The following MAP7 variants were observed in gnomAD, a reference collection of about 807,000 sequenced individuals.
MAP7 encodes ensconsin.
Under a neutral mutation model 94.8 loss-of-function variants are expected in MAP7, and 52 were observed. The ratio of observed to expected loss-of-function variants is 0.55; its 90% CI spans 0.44 to 0.69. The LOEUF is 0.69. Among genes scored for constraint, MAP7 ranks in the 30% least tolerant of loss-of-function variants. The probability of loss-of-function intolerance (pLI) is 0.00; values close to 1 mark genes in which losing one functional copy is unlikely to be tolerated. For missense variants in MAP7, 940 were observed against 964.6 expected, an observed-to-expected ratio of 0.97 and a Z score of 0.34; for synonymous variants, 350 against 357.0, an observed-to-expected ratio of 0.98 and a Z score of 0.22.
intron 1 of MAP7, among the ~76,000 whole-genome samples, chr6:136,476,754 T>C (rs551385748): frequency 6.6e-6 from 1 of 152,180 alleles, no homozygotes; most frequent in African/African-American, 2.4e-5. Flanking sequence ...ATTTTAGGTG[T>C]GTATGTGTAT....
At chr6:136,443,496 G>A (rs1317486395) in intron 1 of MAP7, among the ~76,000 whole-genome samples, 1 of 140,576 alleles carries the variant, frequency 7.1e-6, no homozygotes, top group African/African-American at 2.8e-5. Flanking sequence ...CTGTCACCCA[G>A]GCTGGAGTGC....
intron 8 of MAP7, among the ~76,000 whole-genome samples, chr6:136,367,283 A>G (rs1794578632): frequency 6.6e-6 from 1 of 152,046 alleles, no homozygotes; most frequent in Non-Finnish European, 1.5e-5. Flanking sequence ...CATTCCAAGT[A>G]TCTGAAACCT....
chr6:136,488,080 G>A (rs1372757867), intron 1 of MAP7, among the ~76,000 whole-genome samples: 1 of 152,098 alleles, frequency 6.6e-6, no homozygotes, highest in African/African-American at 2.4e-5. Flanking sequence ...TTTCTATGAC[G>A]ATTTTCTTTT....
intron 1 of MAP7, among the ~76,000 whole-genome samples, chr6:136,466,602 C>T (rs972589016): frequency 6.6e-6 from 1 of 151,190 alleles, no homozygotes; most frequent in South Asian, 2.1e-4. Context: ...TTTCTAAGGA[C>T]ATTAAAACAA....
intron 1 of MAP7, among the ~76,000 whole-genome samples, chr6:136,513,305 A>G (rs1044210632): frequency 6.6e-6 from 1 of 152,354 alleles, no homozygotes; most frequent in Non-Finnish European, 1.5e-5. Context: ...CTGCTGCTTT[A>G]TCAACTAAGC....
chr6:136,365,632 C>T, intron 10 of MAP7, 103 bp downstream of exon 10: 2 of 1,287,470 alleles, frequency 1.6e-6, no homozygotes, highest in South Asian at 1.5e-5. Flanking sequence ...GTAAAATTTC[C>T]AAGTCTCCAA....
intron 3 of MAP7, among the ~76,000 whole-genome samples, chr6:136,410,377 C>T (rs141048264): frequency 1.3e-5 from 2 of 152,214 alleles, no homozygotes; most frequent in African/African-American, 2.4e-5. Flanking sequence ...AGCAGCTCTG[C>T]CTTCATCCTC....
intron 1 of MAP7, among the ~76,000 whole-genome samples, chr6:136,468,502 A>G (rs935932261): frequency 3.7e-4 from 57 of 152,196 alleles, no homozygotes; most frequent in African/African-American, 1.3e-3. Context: ...TAAGTTAAAA[A>G]TATCATAAGT....
chr6:136,351,804 G>C (rs983802640), intron 16 of MAP7, among the ~76,000 whole-genome samples: 1 of 152,068 alleles, frequency 6.6e-6, no homozygotes, highest in Non-Finnish European at 1.5e-5. Context: ...ATTATCCTTT[G>C]CCACTGCTGG....
At chr6:136,491,482 G>C (rs543556065) in intron 1 of MAP7, among the ~76,000 whole-genome samples, 1 of 152,066 alleles carries the variant, frequency 6.6e-6, no homozygotes, top group Admixed American at 6.5e-5. Flanking sequence ...GGCATCACCC[G>C]GTTTATCATG....
intron 7 of MAP7, among the ~76,000 whole-genome samples, chr6:136,376,102 C>T (rs1318121297): frequency 1.3e-5 from 2 of 151,586 alleles, no homozygotes; most frequent in East Asian, 1.9e-4. Context: ...GACTGAAAAG[C>T]GGTTTTTTTT....
intron 3 of MAP7, among the ~76,000 whole-genome samples, chr6:136,403,497 G>T (rs775454878): frequency 3.3e-5 from 5 of 152,170 alleles, no homozygotes; most frequent in African/African-American, 4.8e-5. Context: ...AGCAAACAAT[G>T]AGCCATTATG....
chr6:136,464,008 G>C (rs1210775741), intron 1 of MAP7, among the ~76,000 whole-genome samples: 1 of 152,176 alleles, frequency 6.6e-6, no homozygotes, highest in African/African-American at 2.4e-5. Context: ...TATGTGGAAG[G>C]GGCTGCCCTC....
chr6:136,356,700 T>G lies in MAP7; in HGVS notation c.2007A>C (p.Thr669=). 1.2e-6 allele frequency: 2 copies of G among 1,613,808 alleles called. No homozygotes were observed. Among genetic ancestry groups the G allele is most frequent in the Non-Finnish European group, 1.7e-6 (2 of 1,179,726 alleles). The change falls in exon 16 of 18, where the codon ACA becomes ACC. Residue 669 remains threonine, a synonymous_variant. Coordinates refer to ENST00000354570, the MANE Select transcript of MAP7 (RefSeq NM_003980.6). ...TGTCAGTGAAAACTCACCTCTCCAC[T>G]GTCACTTTTGACTGGTGTGAGGTAA... ...HVVTSHQSKV[T]VESTPDLEKQ...
chr6:136,345,745 C>T, intron 17 of MAP7, 111 bp downstream of exon 17: 1 of 935,382 alleles, frequency 1.1e-6, no homozygotes, highest in East Asian at 2.4e-5. Context: ...TTACTTGGTC[C>T]TTTGAAGAAC....
intron 1 of MAP7, among the ~76,000 whole-genome samples, chr6:136,545,004 C>T (rs1006109526): frequency 3.9e-5 from 6 of 152,212 alleles, no homozygotes; most frequent in African/African-American, 1.4e-4. Context: ...CAAACTCAAA[C>T]TTGGAAAAGT....
At chr6:136,499,596 A>C (rs1819272408) in intron 1 of MAP7, among the ~76,000 whole-genome samples, 2 of 152,120 alleles carry the variant, frequency 1.3e-5, no homozygotes, top group South Asian at 2.1e-4. Flanking sequence ...AGGGGTCAAC[A>C]AGCCTAATCT....
Position 136,365,915 on chromosome 6 carries a change from A to AT in MAP7, c.1092dup (p.Ser365IlefsTer17). 6.2e-7 allele frequency: 1 copy of AT among 1,613,734 alleles called. No homozygotes were observed. Among genetic ancestry groups the AT allele is most frequent in the South Asian group, 1.1e-5 (1 of 91,052 alleles). On this transcript the variant is annotated frameshift_variant, in exon 10 of 18. Transcript: ENST00000354570. LOFTEE classifies it high-confidence loss of function. The stretch of plus-strand genomic sequence containing the variant: ...TTGACAGGGCGGATGTTGCCGGGGG[A>AT]TGGGGGCCGGACCTGAGCAGGAGCA...
At chr6:136,494,667 A>AT in intron 1 of MAP7, among the ~76,000 whole-genome samples, 1 of 152,290 alleles carries the variant, frequency 6.6e-6, no homozygotes, top group Non-Finnish European at 1.5e-5. Flanking sequence ...ATCCACAGGG[A>AT]TCCCTCATTA....
Sources: gnomAD v4.1 joint callset for allele counts (sites outside exome capture counted in the v4.1 genomes callset) on GRCh38, gnomAD v4.1.1 for gene constraint, MANE v1.5 for transcripts, NCBI Gene and HGNC (gene_info 2026-07-23, HGNC 2026-07-21) for gene names.